Variants in BAZ1B observed in about 807,000 individuals in gnomAD.
BAZ1B encodes tyrosine-protein kinase BAZ1B.
A neutral mutation model predicts 153.8 loss-of-function variants in BAZ1B; 22 were observed. The ratio of observed to expected loss-of-function variants is 0.14; its 90% CI spans 0.10 to 0.20. BAZ1B has a LOEUF of 0.20. BAZ1B is among the 10% of genes least tolerant of loss of function. BAZ1B has a pLI of 1.00. For missense variants in BAZ1B, 1,325 were observed against 1,799.3 expected, an observed-to-expected ratio of 0.74 and a Z score of 4.77; for synonymous variants, 676 against 633.4, an observed-to-expected ratio of 1.07 and a Z score of -1.01.
chr7:73,508,260 T>A, intron 3 of BAZ1B, 67 bp downstream of exon 3: 1 of 1,526,774 alleles, frequency 6.5e-7, no homozygotes, highest in Non-Finnish European at 9.0e-7. Context: ...TAGAAATGTG[T>A]TCTGTAACCT....
intron 3 of BAZ1B, among the ~76,000 whole-genome samples, chr7:73,499,530 C>G (rs112439509): frequency 3.5e-4 from 53 of 152,230 alleles, no homozygotes; most frequent in African/African-American, 1.2e-3. Context: ...AGGGAGACCC[C>G]ATCTTTACAA....
intron 4 of BAZ1B, 65 bp from the exon 5 acceptor site, chr7:73,492,986 A>G (rs1367051579): frequency 6.7e-7 from 1 of 1,490,598 alleles, no homozygotes; most frequent in African/African-American, 1.4e-5. Context: ...TCATTCATTA[A>G]CAAGTCTTAA....
At chr7:73,501,116 T>A (rs182903281) in intron 3 of BAZ1B, among the ~76,000 whole-genome samples, 1 of 151,298 alleles carries the variant, frequency 6.6e-6, no homozygotes, top group South Asian at 2.1e-4. Context: ...ATTAGCTGGG[T>A]GTGGTGGCGC....
rs570122268 is a variant in BAZ1B at position 73,509,546 on chromosome 7, C to A, written c.225-1075G>T. On this transcript the variant is annotated intron_variant, in intron 2 of 19. Coordinates refer to ENST00000339594, the MANE Select transcript of BAZ1B (RefSeq NM_032408.4). Reference sequence around the variant, plus strand: ...ACCAGCCTGGCCAACAGAGTGAGAACCTGCCTCTATAAAAAACTAAAATAA... The same window carrying A: ...ACCAGCCTGGCCAACAGAGTGAGAAACTGCCTCTATAAAAAACTAAAATAA... Among the ~76,000 whole-genome samples, 14 of 151,976 alleles carry A rather than the reference C, an allele frequency of 9.2e-5. No individual in the cohort carries two copies. In the East Asian group the frequency reaches 2.7e-3, roughly 29 times the overall value.
intron 6 of BAZ1B, among the ~76,000 whole-genome samples, chr7:73,488,669 C>T (rs989796567): frequency 1.3e-5 from 2 of 149,600 alleles, no homozygotes; most frequent in African/African-American, 2.5e-5. Context: ...GAGCCGAGAT[C>T]GCACTACTGC....
chr7:73,477,330 C>G lies in BAZ1B; in HGVS notation c.2131G>C (p.Asp711His). ...VQEESEGSDTDDNKDSAAFED... is the reference protein window; with the variant it reads ...VQEESEGSDTHDNKDSAAFED... ...AATGCAGCTGAATCTTTATTGTCAT[C>G]TGTGTCTGAGCCCTCGCTTTCCTCC... is the stretch of plus-strand genomic sequence containing the variant. Residue 711 changes from aspartate to histidine, a missense_variant, in exon 7 of 20, where the codon GAT (aspartate) becomes CAT (histidine). Transcript: ENST00000339594. This position sits in a 1 kb window ranked among gnomAD's most constrained non-coding sequence, Gnocchi z 5.6. 3 of 1,614,270 alleles carry G rather than the reference C, an allele frequency of 1.9e-6. No individual in the cohort carries two copies. Among genetic ancestry groups the G allele is most frequent in the Middle Eastern group, 1.6e-4 (1 of 6,062 alleles).
In BAZ1B at chr7:73,469,633, T is replaced by C. The variant is rs782711251; in HGVS notation, c.2750A>G (p.Asp917Gly). 2 of 1,613,986 alleles carry C rather than the reference T, an allele frequency of 1.2e-6. No homozygotes were observed. Among genetic ancestry groups the C allele is most frequent in the African/African-American group, 1.3e-5 (1 of 74,916 alleles). The change falls in exon 9 of 20, where the codon GAT becomes GGT. Residue 917 changes from aspartate to glycine, a missense_variant. Coordinates refer to ENST00000339594, the MANE Select transcript of BAZ1B (RefSeq NM_032408.4). ...TTCAATGAATAATCCTGGAACTTCA[T>C]CTGAGAAGAGCCAGTATCTACAAAT... Reference protein sequence around the residue: ...RNHNRYWLFSDEVPGLFIEKG... With the variant: ...RNHNRYWLFSGEVPGLFIEKG...
At chr7:73,487,712 G>A (rs1789464601) in intron 6 of BAZ1B, among the ~76,000 whole-genome samples, 2 of 152,032 alleles carry the variant, frequency 1.3e-5, no homozygotes, top group Admixed American at 1.3e-4. Context: ...CAAACTCTGT[G>A]GCAACAAAAT....
At chr7:73,442,986 C>A (rs563917825) in intron 17 of BAZ1B, among the ~76,000 whole-genome samples, 158 bp from the exon 18 acceptor site, 3 of 152,338 alleles carry the variant, frequency 2.0e-5, no homozygotes, top group African/African-American at 7.2e-5. Flanking sequence ...TCAGGGAGCA[C>A]CCTCGGCCCA....
At chr7:73,497,362 G>C (rs949231087) in intron 4 of BAZ1B, among the ~76,000 whole-genome samples, 39 of 152,120 alleles carry the variant, frequency 2.6e-4, no homozygotes, top group Admixed American at 1.4e-3. Context: ...AATGATTACA[G>C]TAGTATAGTA....
chr7:73,449,225 C>T (rs1787943937), intron 15 of BAZ1B, among the ~76,000 whole-genome samples: 1 of 152,074 alleles, frequency 6.6e-6, no homozygotes, highest in Non-Finnish European at 1.5e-5. Context: ...TGGGTGATAG[C>T]AGAAGTAATC....
intron 1 of BAZ1B, among the ~76,000 whole-genome samples, chr7:73,511,948 T>C (rs1790596572): frequency 6.9e-6 from 1 of 144,978 alleles, no homozygotes; most frequent in Non-Finnish European, 1.5e-5. Flanking sequence ...GGAGAATCAC[T>C]TGAACCTGGG....
Position 73,521,980 on chromosome 7 carries a change from G to C in BAZ1B, c.-47C>G. ...TGGCGGCTGCTGGGGCCGGCCCCGC[G>C]GCGCAGCACTAGGCCCCGCGGCCCG... On this transcript the variant is annotated 5_prime_UTR_variant, in exon 1 of 20. Coordinates refer to ENST00000339594, the MANE Select transcript of BAZ1B (RefSeq NM_032408.4). 3.8e-6 allele frequency: 5 copies of C among 1,318,362 alleles called. No homozygotes were observed. The highest frequency in any genetic ancestry group is 4.9e-6 in the Non-Finnish European group (5 of 1,026,206). 81.7% of individuals were successfully genotyped at this position (1,318,362 alleles called of 1,614,324 possible). A position where few individuals can be genotyped will look rare whatever the true frequency, so the allele number is the denominator to read the frequency against.
At chr7:73,493,348 T>C (rs1216498844) in intron 4 of BAZ1B, among the ~76,000 whole-genome samples, 1 of 151,850 alleles carries the variant, frequency 6.6e-6, no homozygotes, top group Non-Finnish European at 1.5e-5. Context: ...TAATCCCAGC[T>C]ACTCGGGAGG....
chr7:73,477,319 T>G lies in BAZ1B; in HGVS notation c.2142A>C (p.Lys714Asn). The G allele has an allele frequency of 6.2e-7, 1 of 1,614,278 alleles. No individual in the cohort carries two copies. The highest frequency in any genetic ancestry group is 8.5e-7 in the Non-Finnish European group (1 of 1,180,054). ...ESEGSDTDDN[K>N]DSAAFEDNEV... is the part of the protein sequence containing the mutation. ...CATTATCCTCAAATGCAGCTGAATC[T>G]TTATTGTCATCTGTGTCTGAGCCCT... The change falls in exon 7 of 20, where the codon AAA becomes AAC. Residue 714 changes from lysine (K) to asparagine (N), a missense_variant. By Grantham distance (94) the Lys-to-Asn change is moderately conservative (BLOSUM62 0). Transcript: ENST00000339594. The surrounding 1 kb of genome is among the most constrained non-coding windows in gnomAD (Gnocchi z 5.6).
intron 15 of BAZ1B, among the ~76,000 whole-genome samples, chr7:73,449,113 G>A (rs924666029): frequency 6.4e-4 from 98 of 152,248 alleles, no homozygotes; most frequent in Non-Finnish European, 8.8e-5. Flanking sequence ...TAGGATGAGG[G>A]AGAGATGTTC....
intron 6 of BAZ1B, 131 bp from the exon 7 acceptor site, chr7:73,478,700 C>A: frequency 1.3e-6 from 1 of 753,118 alleles, no homozygotes; most frequent in South Asian, 4.0e-5. Flanking sequence ...TTCATAGATA[C>A]TTTGTCCCTG....
chr7:73,442,305 G>A lies in BAZ1B; in HGVS notation c.4343C>T (p.Pro1448Leu). 9 of 1,614,168 alleles carry A rather than the reference G, an allele frequency of 5.6e-6. No individual in the cohort carries two copies. The highest frequency in any genetic ancestry group is 7.6e-6 in the Non-Finnish European group (9 of 1,180,042). Residue 1448 changes from proline (P) to leucine (L), a missense_variant, in exon 19 of 20, where the codon CCA becomes CTA. Physicochemically the swap from Pro to Leu is moderately conservative, Grantham distance 98. Transcript: ENST00000339594. ...CTTCTTGCGCTTCCTGCGGACATAT[G>A]GGTGGCCAGGAAGGTGTTTATGCAA... ...ALLHKHLPGH[P>L]YVRRKRKKFP... is the part of the protein sequence containing the mutation.
At chr7:73,441,798 C>T (rs1215825260) in intron 19 of BAZ1B, 105 bp from the exon 20 acceptor site, 1 of 228,198 alleles carries the variant, frequency 4.4e-6, no homozygotes, top group East Asian at 1.0e-4. Context: ...CCCCTGTTGG[C>T]CTGATTACCC....
Sources: gnomAD v4.1 joint callset for allele counts (sites outside exome capture counted in the v4.1 genomes callset) on GRCh38, gnomAD v4.1.1 for gene constraint, Gnocchi (gnomAD v3.1) non-coding constraint, MANE v1.5 for transcripts, NCBI Gene and HGNC (gene_info 2026-07-23, HGNC 2026-07-21) for gene names.